The following DSCAM variants were observed in gnomAD, a reference collection of about 807,000 sequenced individuals.
The protein encoded by DSCAM is cell adhesion molecule DSCAM.
In DSCAM, 47 loss-of-function variants were observed where a neutral mutation model predicts 217.7. The observed-to-expected ratio is 0.22, with a 90% CI of 0.17 to 0.28. The LOEUF is 0.28. Ranked by LOEUF, DSCAM falls within the 10% of genes least tolerant of loss-of-function variation. The probability of loss-of-function intolerance (pLI) is 1.00; values close to 1 mark genes in which losing one functional copy is unlikely to be tolerated. For synonymous variants in DSCAM, 1,056 were observed against 1,015.3 expected (o/e 1.04, Z -0.76); for missense variants, 2,080 against 2,618.3 (o/e 0.79, Z 4.49).
At position 40,079,009 on chromosome 21, in the gene DSCAM, C is replaced by T. The variant is rs755788503; in HGVS notation, c.4421-32G>A. ...GAGAAGGCACATGGAGGTCAGCTCA[C>T]AGGACACATGGGGAGGCCATCAGCA... is the stretch of plus-strand genomic sequence containing the variant. On this transcript the variant is annotated intron_variant, in intron 25 of 32. Coordinates refer to ENST00000400454, the MANE Select transcript of DSCAM (RefSeq NM_001389.5). 6 of 1,603,850 alleles carry T rather than the reference C, an allele frequency of 3.7e-6. No homozygotes were observed. The South Asian group carries it at 6.7e-5, about 18-fold the overall frequency.
chr21:40,391,517 T>C, intron 3 of DSCAM, among the ~76,000 whole-genome samples: 1 of 152,250 alleles, frequency 6.6e-6, no homozygotes, highest in Middle Eastern at 3.2e-3. Flanking sequence ...AATGTTTCTT[T>C]CTTTGGAAGG....
chr21:40,790,502 C>T (rs1017928154), intron 1 of DSCAM, among the ~76,000 whole-genome samples: 9 of 152,178 alleles, frequency 5.9e-5, no homozygotes, highest in South Asian at 4.1e-4. Flanking sequence ...TCTGACAGCT[C>T]GTTTTGCCCT....
chr21:40,169,794 C>T (rs2090636021), intron 15 of DSCAM, among the ~76,000 whole-genome samples: 1 of 152,016 alleles, frequency 6.6e-6, no homozygotes, highest in Non-Finnish European at 1.5e-5. Flanking sequence ...TTGTTCCCTG[C>T]ACCCCTCCTT....
intron 11 of DSCAM, among the ~76,000 whole-genome samples, chr21:40,247,080 T>C (rs149326968): frequency 4.4e-4 from 67 of 152,270 alleles, no homozygotes; most frequent in African/African-American, 1.5e-3. Context: ...GTGAGATGTA[T>C]TCACTATCAT....
intron 3 of DSCAM, among the ~76,000 whole-genome samples, chr21:40,391,601 T>A (rs572368874): frequency 1.3e-5 from 2 of 152,344 alleles, no homozygotes; most frequent in East Asian, 3.9e-4. Context: ...CTGTGGAGTT[T>A]TTCTACAGGT....
intron 4 of DSCAM, among the ~76,000 whole-genome samples, chr21:40,356,339 A>G (rs2074692676): frequency 6.6e-6 from 1 of 151,906 alleles, no homozygotes; most frequent in Admixed American, 6.6e-5. Flanking sequence ...ACATACACAC[A>G]CAAATGTTAA....
chr21:40,098,538 G>A lies in DSCAM; in HGVS notation c.3697-4664C>T, dbSNP rs185420441. ...CTGGTGCTATTTCCTCACACTTTAT[G>A]CTGTCAATTAGAAGTGACCAAAACA... is the stretch of plus-strand genomic sequence containing the variant. On this transcript the variant is annotated intron_variant, in intron 20 of 32. Transcript: ENST00000400454. Among the ~76,000 whole-genome samples the A allele has an allele frequency of 1.0e-3, 156 of 152,286 alleles. 1 individual carries two copies. The highest frequency in any genetic ancestry group is 3.3e-3 in the African/African-American group (137 of 41,558).
chr21:40,051,506 C>T (rs2146496452), intron 30 of DSCAM, among the ~76,000 whole-genome samples: 1 of 152,226 alleles, frequency 6.6e-6, no homozygotes, highest in African/African-American at 2.4e-5. Context: ...CAACTTTATA[C>T]TGTTTGCATA....
At chr21:40,598,433 C>T (rs1277686894) in intron 3 of DSCAM, among the ~76,000 whole-genome samples, 1 of 150,630 alleles carries the variant, frequency 6.6e-6, no homozygotes, top group Non-Finnish European at 1.5e-5. Flanking sequence ...GCATGAATGC[C>T]AAGAAGCGTG....
intron 3 of DSCAM, among the ~76,000 whole-genome samples, chr21:40,461,070 G>T (rs2075802064): frequency 6.6e-6 from 1 of 152,106 alleles, no homozygotes; most frequent in Admixed American, 6.6e-5. Flanking sequence ...ATAAAGGCTA[G>T]CTAAGTAAAT....
intron 1 of DSCAM, 142 bp from the exon 2 acceptor site, chr21:40,708,913 TG>T: frequency 1.8e-6 from 1 of 570,578 alleles, no homozygotes; most frequent in Non-Finnish European, 2.7e-6. Context: ...TCAAATTTTC[TG>T]AAAATGCTGT....
rs2089292618 is a variant in DSCAM at position 40,610,054 on chromosome 21, C to G, written c.508+82756G>C. 2.0e-5 allele frequency among the ~76,000 whole-genome samples: 3 copies of G among 152,204 alleles called. No individual in the cohort carries two copies. The South Asian group carries it at 6.2e-4, about 32-fold the overall frequency. On this transcript the variant is annotated intron_variant, in intron 3 of 32. Coordinates refer to ENST00000400454, the MANE Select transcript of DSCAM (RefSeq NM_001389.5). ...TTCACAGGATACCTTTCTTGACAAC[C>G]AAACACCTTTAAAACAAGCACGGGG... is the stretch of plus-strand genomic sequence containing the variant.
chr21:40,176,989 A>C (rs953912294), intron 15 of DSCAM, among the ~76,000 whole-genome samples: 2 of 152,234 alleles, frequency 1.3e-5, no homozygotes, highest in Non-Finnish European at 2.9e-5. Flanking sequence ...TGCAAAATGC[A>C]CCACCGGAAA....
At chr21:40,400,024 G>C (rs1207613260) in intron 3 of DSCAM, among the ~76,000 whole-genome samples, 2 of 152,164 alleles carry the variant, frequency 1.3e-5, no homozygotes, top group Admixed American at 6.5e-5. Flanking sequence ...AGGAAAAACA[G>C]CCACAGGGAA....
chr21:40,128,622 G>A (rs1267662942), intron 19 of DSCAM, among the ~76,000 whole-genome samples: 1 of 150,780 alleles, frequency 6.6e-6, no homozygotes, highest in Non-Finnish European at 1.5e-5. Flanking sequence ...GAAGAAGGAA[G>A]CTACCATGCT....
At chr21:40,605,184 T>A (rs2089215873) in intron 3 of DSCAM, among the ~76,000 whole-genome samples, 1 of 152,154 alleles carries the variant, frequency 6.6e-6, no homozygotes, top group Non-Finnish European at 1.5e-5. Context: ...ATACTTAGTC[T>A]CCAGCAATTC....
chr21:40,534,542 G>T (rs1008378551), intron 3 of DSCAM, among the ~76,000 whole-genome samples: 1 of 152,170 alleles, frequency 6.6e-6, no homozygotes, highest in African/African-American at 2.4e-5. Context: ...TGGACCTGGA[G>T]ACTCCACAGG....
At chr21:40,103,378 A>T (rs1179154193) in intron 20 of DSCAM, among the ~76,000 whole-genome samples, 1 of 152,224 alleles carries the variant, frequency 6.6e-6, no homozygotes, top group African/African-American at 2.4e-5. Context: ...TCTTTTAATT[A>T]TAGGGTAAGG....
At chr21:40,808,619 G>A (rs1255471947) in intron 1 of DSCAM, among the ~76,000 whole-genome samples, 1 of 151,908 alleles carries the variant, frequency 6.6e-6, no homozygotes, top group Non-Finnish European at 1.5e-5. Flanking sequence ...GACTACAGGT[G>A]CACCACCACC....
Sources: gnomAD v4.1 joint callset for allele counts (sites outside exome capture counted in the v4.1 genomes callset) on GRCh38, gnomAD v4.1.1 for gene constraint, MANE v1.5 for transcripts, NCBI Gene and HGNC (gene_info 2026-07-23, HGNC 2026-07-21) for gene names.